TEX11: variants seen among roughly 807,000 people sequenced by gnomAD.
TEX11 encodes testis expressed 11, also known as testis-expressed protein 11.
TEX11 carries 7 observed loss-of-function variants against 84.4 expected under a neutral mutation model. The ratio of observed to expected loss-of-function variants is 0.08; its 90% CI spans 0.05 to 0.16. TEX11 has a LOEUF of 0.16. Among genes scored for constraint, TEX11 ranks in the 10% least tolerant of loss-of-function variants. The probability of loss-of-function intolerance (pLI) is 1.00; values close to 1 mark genes in which losing one functional copy is unlikely to be tolerated. For missense variants in TEX11, 551 were observed against 660.5 expected (o/e 0.83, Z 1.82); for synonymous variants, 264 against 222.8 (o/e 1.18, Z -1.64).
intron 4 of TEX11, among the ~76,000 whole-genome samples, chrX:70,862,454 T>C (rs1040955008): frequency 1.8e-5 from 2 of 111,554 alleles, no homozygotes; most frequent in African/African-American, 6.5e-5. Flanking sequence ...AATTACAGGG[T>C]AATTGAAATG....
intron 20 of TEX11, among the ~76,000 whole-genome samples, chrX:70,613,294 A>T (rs1349468367): frequency 8.9e-6 from 1 of 111,943 alleles, no homozygotes; most frequent in Non-Finnish European, 1.9e-5. Context: ...GAGGAACTGA[A>T]GAGGGTAGGA....
At chrX:70,564,273 C>T (rs776853296) in intron 25 of TEX11, among the ~76,000 whole-genome samples, 1 of 111,896 alleles carries the variant, frequency 8.9e-6, no homozygotes, top group Non-Finnish European at 1.9e-5. Flanking sequence ...GACACTGACA[C>T]TGACTTGTAT....
chrX:70,754,803 G>C (rs890357876), intron 9 of TEX11, among the ~76,000 whole-genome samples: 1 of 111,831 alleles, frequency 8.9e-6, no homozygotes, highest in Non-Finnish European at 1.9e-5. Context: ...CTGTTTAGGA[G>C]AAAGTAAGGG....
intron 2 of TEX11, among the ~76,000 whole-genome samples, chrX:70,883,268 T>A (rs1470342682): frequency 8.9e-6 from 1 of 111,808 alleles, no homozygotes; most frequent in African/African-American, 3.3e-5. Context: ...TGCCACTGCA[T>A]CCGATGAAAA....
At chrX:70,524,792 C>A (rs886870464), downstream of TEX11, among the ~76,000 whole-genome samples, 1 of 111,931 alleles carries the variant, frequency 8.9e-6, no homozygotes, top group Admixed American at 9.5e-5. Context: ...TCTCAAACTC[C>A]GACCTCAGGG....
chrX:70,862,695 G>A (rs1346414467), intron 4 of TEX11, among the ~76,000 whole-genome samples: 1 of 107,109 alleles, frequency 9.3e-6, no homozygotes, highest in Admixed American at 1.0e-4. Flanking sequence ...CCTGAGCTCA[G>A]GAGTTCAAGA....
At chrX:70,715,628 G>A (rs1255890724) in intron 13 of TEX11, among the ~76,000 whole-genome samples, 1 of 112,105 alleles carries the variant, frequency 8.9e-6, no homozygotes, top group East Asian at 2.8e-4. Flanking sequence ...TCGTGCCATG[G>A]TTTTCAGCTC....
chrX:70,754,710 C>T (rs2090854874), intron 9 of TEX11, among the ~76,000 whole-genome samples: 1 of 110,345 alleles, frequency 9.1e-6, no homozygotes. Context: ...GCTTGTGTCA[C>T]TAAACCCCAA....
At chrX:70,841,242 T>G (rs2091441888) in intron 7 of TEX11, among the ~76,000 whole-genome samples, 1 of 110,148 alleles carries the variant, frequency 9.1e-6, no homozygotes. Context: ...AAAGCACTCC[T>G]CAGCAAATGT....
intron 25 of TEX11, 106 bp downstream of exon 25, chrX:70,591,645 G>C: frequency 1.9e-6 from 1 of 530,512 alleles, no homozygotes; most frequent in Non-Finnish European, 3.1e-6. Flanking sequence ...CATTTGACTG[G>C]TTATCAAGTA....
At position 70,882,031 on chromosome X, in the gene TEX11, AAAAAAAAAAAAAAG is replaced by A. The variant is rs1405830843; in HGVS notation, c.38-1936_38-1923del. On this transcript the variant is annotated intron_variant, in intron 2 of 29. Transcript: ENST00000374333. The stretch of plus-strand genomic sequence containing the variant: ...CAACAGAACAAGACTCCATCTCAAA[AAAAAAAAAAAAAAG>A]AAAAAGAAAAAAGAAAAAAGAAACC... Among the ~76,000 whole-genome samples the A allele has an allele frequency of 1.6e-3, 171 of 105,993 alleles. 2 individuals carry two copies. The highest frequency in any genetic ancestry group is 4.8e-3 in the Middle Eastern group (1 of 210). 92.0% of individuals were successfully genotyped at this position (105,993 alleles called of 115,157 possible). A position where few individuals can be genotyped will look rare whatever the true frequency, so the allele number is the denominator to read the frequency against.
intron 11 of TEX11, among the ~76,000 whole-genome samples, chrX:70,731,442 A>T (rs1342798248): frequency 9.0e-6 from 1 of 110,901 alleles, no homozygotes; most frequent in Non-Finnish European, 1.9e-5. Context: ...GAAGAATCAA[A>T]TAGACGCAAT....
chrX:70,785,458 A>G, intron 9 of TEX11, among the ~76,000 whole-genome samples: 1 of 112,186 alleles, frequency 8.9e-6, no homozygotes, highest in East Asian at 2.8e-4. Flanking sequence ...AAAAGCCAAA[A>G]TTGACAAATG....
intron 16 of TEX11, among the ~76,000 whole-genome samples, chrX:70,658,365 C>T (rs917750013): frequency 9.0e-6 from 1 of 110,959 alleles, no homozygotes; most frequent in African/African-American, 3.3e-5. Context: ...TGCAGTGAGC[C>T]GAGATAGCAC....
intron 14 of TEX11, among the ~76,000 whole-genome samples, chrX:70,681,699 T>C (rs2090149106): frequency 9.0e-6 from 1 of 111,305 alleles, no homozygotes; most frequent in Admixed American, 9.6e-5. Flanking sequence ...AGGCTATCTG[T>C]ATACTTCCCT....
intron 7 of TEX11, among the ~76,000 whole-genome samples, chrX:70,840,536 T>C (rs1179389121): frequency 1.8e-5 from 2 of 111,756 alleles, no homozygotes; most frequent in African/African-American, 6.5e-5. Context: ...TACCAAATTG[T>C]AAACGCCATC....
chrX:70,553,320 A>G lies in TEX11; in HGVS notation c.2385T>C (p.Asp795=). 8.4e-7 allele frequency: 1 copy of G among 1,196,956 alleles called. No individual in the cohort carries two copies. Among genetic ancestry groups the G allele is most frequent in the Non-Finnish European group, 1.1e-6 (1 of 884,110 alleles). ...TATTTACTAACCTGTATTGTGATAT[A>G]TCAATTGGTTCTTCCTTTTTGTAGA... The part of the protein sequence containing the change: ...LLLYKKEEPI[D]ISQYSKCMHN... Residue 795 remains aspartate (D), a synonymous_variant, in exon 27 of 30, where the codon GAT becomes GAC. Transcript: ENST00000374333.
At position 70,599,832 on chromosome X, in the gene TEX11, C is replaced by T. The variant is rs1341247804; in HGVS notation, c.2067+5569G>A. Among the ~76,000 whole-genome samples, 3 of 107,578 alleles carry T rather than the reference C, an allele frequency of 2.8e-5. No homozygotes were observed. In the East Asian group the frequency reaches 8.8e-4, roughly 31 times the overall value. 93.4% of individuals were successfully genotyped at this position (107,578 alleles called of 115,157 possible). ...ATGATTTCCAATTTCATCCATGTCC[C>T]TACAAAGGACATGAACTCATCATTT... is the stretch of plus-strand genomic sequence containing the variant. On this transcript the variant is annotated intron_variant, in intron 24 of 29. Transcript: ENST00000374333.
intron 2 of TEX11, among the ~76,000 whole-genome samples, chrX:70,891,538 A>C (rs2091738127): frequency 9.0e-6 from 1 of 111,672 alleles, no homozygotes; most frequent in African/African-American, 3.3e-5. Context: ...GAAGACCTTA[A>C]GTGACCTGAT....
Sources: gnomAD v4.1 joint callset for allele counts (sites outside exome capture counted in the v4.1 genomes callset) on GRCh38, gnomAD v4.1.1 for gene constraint, MANE v1.5 for transcripts, NCBI Gene and HGNC (gene_info 2026-07-23, HGNC 2026-07-21) for gene names.